Variants in ZNF461 observed in about 807,000 individuals in gnomAD.
ZNF461 encodes the protein gonadotropin-inducible ovarian transcription factor-1.
In ZNF461, 16 loss-of-function variants were observed where a neutral mutation model predicts 18.3. That is an observed-to-expected ratio of 0.88 (90% confidence interval 0.59 to 1.33). The LOEUF (loss-of-function observed/expected upper bound fraction) is 1.33, where lower values mean the gene tolerates loss of function less well. Among genes scored for constraint, ZNF461 ranks in the 40% most tolerant of loss-of-function variants. The pLI, the probability that ZNF461 is intolerant of heterozygous loss-of-function variation, is 0.00. For missense variants in ZNF461, 595 were observed against 669.9 expected, an observed-to-expected ratio of 0.89 and a Z score of 1.23; for synonymous variants, 179 against 216.9, an observed-to-expected ratio of 0.83 and a Z score of 1.54.
At position 36,638,883 on chromosome 19, in the gene ZNF461, G is replaced by C. The variant is rs777603484; in HGVS notation, c.1462C>G (p.Gln488Glu). Reference sequence around the variant, plus strand: ...GGTTTCTCACCAGTATGAATTCTTTGATGTTGAATAAGGTGTGAATGAAGT... The same window carrying C: ...GGTTTCTCACCAGTATGAATTCTTTCATGTTGAATAAGGTGTGAATGAAGT... ...FRLHSHLIQH[Q>E]RIHTGEKPYE... The change falls in exon 6 of 6, where the codon CAA becomes GAA. Residue 488 changes from glutamine to glutamate, a missense_variant. Coordinates refer to ENST00000588268, the MANE Select transcript of ZNF461 (RefSeq NM_153257.5). 25 of 1,605,948 alleles carry C rather than the reference G, an allele frequency of 1.6e-5. No homozygotes were observed. Among genetic ancestry groups the C allele is most frequent in the Non-Finnish European group, 2.0e-5 (24 of 1,174,702 alleles).
chr19:36,639,595 T>C lies in ZNF461; in HGVS notation c.750A>G (p.Glu250=). 6.2e-7 allele frequency: 1 copy of C among 1,613,198 alleles called. No individual in the cohort carries two copies. ...QNGDKCNECK[E]CWKAFVHCSQ... Reference sequence around the variant, plus strand: ...AGCAATGAACAAAGGCCTTCCAACATTCTTTACACTCATTGCATTTGTCAC... The same window carrying C: ...AGCAATGAACAAAGGCCTTCCAACACTCTTTACACTCATTGCATTTGTCAC... Residue 250 remains glutamate (E), a synonymous_variant, in exon 6 of 6, where the codon GAA becomes GAG. Coordinates refer to ENST00000588268, the MANE Select transcript of ZNF461 (RefSeq NM_153257.5).
At position 36,643,783 on chromosome 19, in the gene ZNF461, T is replaced by C. The variant is rs2037471760; in HGVS notation, c.301+11A>G. 2 of 1,519,974 alleles carry C rather than the reference T, an allele frequency of 1.3e-6. No individual in the cohort carries two copies. Among genetic ancestry groups the C allele is most frequent in the African/African-American group, 2.8e-5 (2 of 71,368 alleles). 94.2% of individuals were successfully genotyped at this position (1,519,974 alleles called of 1,614,324 possible). A position where few individuals can be genotyped will look rare whatever the true frequency, so the allele number is the denominator to read the frequency against. The stretch of plus-strand genomic sequence containing the variant: ...TTCTACTGTACTCTTAAAAACTGTA[T>C]TTATTTATACCTGCATTTATGTCTG... On this transcript the variant is annotated intron_variant, in intron 5 of 5. Transcript: ENST00000588268.
At chr19:36,664,082 C>T (rs972186152) in intron 2 of ZNF461, among the ~76,000 whole-genome samples, 2 of 152,120 alleles carry the variant, frequency 1.3e-5, no homozygotes, top group Non-Finnish European at 2.9e-5. Flanking sequence ...AAGAGAAACA[C>T]TAATATTTTC....
chr19:36,638,601 C>A lies in ZNF461; in HGVS notation c.*52G>T. The A allele has an allele frequency of 7.2e-7, 1 of 1,382,628 alleles. No individual in the cohort carries two copies. Among genetic ancestry groups the A allele is most frequent in the Non-Finnish European group, 9.6e-7 (1 of 1,037,364 alleles). 85.6% of individuals were successfully genotyped at this position (1,382,628 alleles called of 1,614,324 possible). Reference sequence around the variant, plus strand: ...AATACTAATGAAACTGGTGGCTTACCAACTTTTTCCTTAAATAAAACAAAG... The same window carrying A: ...AATACTAATGAAACTGGTGGCTTACAAACTTTTTCCTTAAATAAAACAAAG... On this transcript the variant is annotated 3_prime_UTR_variant, in exon 6 of 6. Coordinates refer to ENST00000588268, the MANE Select transcript of ZNF461 (RefSeq NM_153257.5).
chr19:36,664,345 C>G lies in ZNF461; in HGVS notation c.9+353G>C, dbSNP rs533479755. Among the ~76,000 whole-genome samples the G allele has an allele frequency of 3.3e-5, 5 of 152,174 alleles. No individual in the cohort carries two copies. The East Asian group carries it at 9.7e-4, about 29-fold the overall frequency. ...GCTCATGCCTGTAATCCCAGCACTT[C>G]GGGAAGCTCAGATGGGCAGATCACT... On this transcript the variant is annotated intron_variant, in intron 2 of 5. Transcript: ENST00000588268.
rs1204844132 is a variant in ZNF461, at chr19:36,639,249, A to T, written c.1096T>A (p.Phe366Ile). The T allele has an allele frequency of 2.5e-6, 4 of 1,614,092 alleles. No homozygotes were observed. The South Asian group carries it at 4.4e-5, about 18-fold the overall frequency. Reference sequence around the variant, plus strand: ...ATAGTAAGATGTGAGCGATGCCTAAAAGTCTTTCCACATTCTTTACATTCA... The same window carrying T: ...ATAGTAAGATGTGAGCGATGCCTAATAGTCTTTCCACATTCTTTACATTCA... ...PYECKECGKTFRHRSHLTIHQ... is the reference protein window; with the variant it reads ...PYECKECGKTIRHRSHLTIHQ... Residue 366 changes from phenylalanine (F) to isoleucine (I), a missense_variant, in exon 6 of 6, where the codon TTT (phenylalanine) becomes ATT (isoleucine). By Grantham distance (21) the Phe-to-Ile change is conservative. Transcript: ENST00000588268.
chr19:36,656,277 G>A (rs894143367), intron 4 of ZNF461, among the ~76,000 whole-genome samples, 171 bp downstream of exon 4: 5 of 152,140 alleles, frequency 3.3e-5, no homozygotes, highest in African/African-American at 9.7e-5. Context: ...GAGCCACCGC[G>A]CCCGGCCTAG....
intron 2 of ZNF461, 191 bp from the exon 3 acceptor site, chr19:36,658,616 A>T (rs530337446): frequency 8.7e-6 from 4 of 457,774 alleles, no homozygotes; most frequent in African/African-American, 6.1e-5. Context: ...TAAACAATTC[A>T]TTTTCTGCAG....
intron 2 of ZNF461, among the ~76,000 whole-genome samples, chr19:36,662,026 C>G (rs774010454): frequency 6.6e-6 from 1 of 151,942 alleles, no homozygotes; most frequent in African/African-American, 2.4e-5. Flanking sequence ...TGTGCCACCA[C>G]GTCTGGCTAA....
chr19:36,646,373 C>T (rs1426036950), intron 4 of ZNF461, among the ~76,000 whole-genome samples: 1 of 152,148 alleles, frequency 6.6e-6, no homozygotes, highest in Non-Finnish European at 1.5e-5. Flanking sequence ...CTCAGGTGAT[C>T]CACCCTCCTC....
chr19:36,643,954 CAG>C (rs2037475235), intron 4 of ZNF461, 92 bp from the exon 5 acceptor site: 1 of 1,089,840 alleles, frequency 9.2e-7, no homozygotes, highest in Admixed American at 3.5e-5. Flanking sequence ...TCTTTTTAGA[CAG>C]AGTTTCGCTC....
chr19:36,654,652 A>T (rs1031331883), intron 4 of ZNF461, among the ~76,000 whole-genome samples: 1 of 151,940 alleles, frequency 6.6e-6, no homozygotes, highest in Non-Finnish European at 1.5e-5. Flanking sequence ...GATTACAGGC[A>T]TGAGCCACCA....
chr19:36,652,640 AAAG>A lies in ZNF461; in HGVS notation c.232+3805_232+3807del, dbSNP rs2037649482. 2.6e-5 allele frequency among the ~76,000 whole-genome samples: 4 copies of A among 152,272 alleles called. No homozygotes were observed. In the South Asian group the frequency reaches 8.3e-4, roughly 32 times the overall value. Reference sequence around the variant, plus strand: ...CACCAAAAACACAATTCATAAGAGAAAAGAAGATAAACTAGACCTCATCAAAAT... The same window carrying A: ...CACCAAAAACACAATTCATAAGAGAAAAGATAAACTAGACCTCATCAAAAT... On this transcript the variant is annotated intron_variant, in intron 4 of 5. Transcript: ENST00000588268.
chr19:36,649,350 G>T (rs1485746767), intron 4 of ZNF461, among the ~76,000 whole-genome samples: 2 of 151,392 alleles, frequency 1.3e-5, no homozygotes, highest in African/African-American at 4.9e-5. Flanking sequence ...TTTTTTTTGA[G>T]ACAGAGTCTC....
rs751090934 is a variant in ZNF461, at chr19:36,656,502, G to A, written c.178C>T (p.Gln60Ter). Reference protein sequence around the residue: ...SKPAVISSLEQGKEPWMVVRE... With the variant: ...SKPAVISSLE ...ACAACCATCCAGGGCTCCTTCCCTTGCTCCAATGAGGAGATTACGGCTGGC... is the reference window on the plus strand; with the variant it reads ...ACAACCATCCAGGGCTCCTTCCCTTACTCCAATGAGGAGATTACGGCTGGC... Residue 60 changes from glutamine (Q) to a stop codon, truncating the protein, a stop_gained, in exon 4 of 6, where the codon CAA becomes TAA. Transcript: ENST00000588268. LOFTEE classifies it high-confidence loss of function. The A allele has an allele frequency of 6.2e-7, 1 of 1,614,114 alleles. No homozygotes were observed. Among genetic ancestry groups the A allele is most frequent in the African/African-American group, 1.3e-5 (1 of 75,026 alleles).
intron 2 of ZNF461, among the ~76,000 whole-genome samples, chr19:36,659,745 A>G (rs1218327311): frequency 1.3e-5 from 2 of 152,184 alleles, no homozygotes; most frequent in African/African-American, 4.8e-5. Flanking sequence ...CTGTGTTCCC[A>G]AAGAATATTA....
Position 36,639,655 on chromosome 19 carries a change from T to C in ZNF461, c.690A>G (p.Thr230=). 6.2e-7 allele frequency: 1 copy of C among 1,613,924 alleles called. No individual in the cohort carries two copies. Among genetic ancestry groups the C allele is most frequent in the Admixed American group, 1.7e-5 (1 of 60,012 alleles). ...ECKECTEIVN[T]PCLFKQQTIQ... ...TTGTCTGTTGTTTAAAAAGGCATGG[T>C]GTATTAACAATTTCTGTGCATTCTT... The change falls in exon 6 of 6, where the codon ACA becomes ACG. Residue 230 remains threonine, a synonymous_variant. Coordinates refer to ENST00000588268, the MANE Select transcript of ZNF461 (RefSeq NM_153257.5).
chr19:36,638,588 A>T lies in ZNF461; in HGVS notation c.*65T>A. On this transcript the variant is annotated 3_prime_UTR_variant, in exon 6 of 6. Transcript: ENST00000588268. Reference sequence around the variant, plus strand: ...ATTTAAATAAATAAATACTAATGAAACTGGTGGCTTACCAACTTTTTCCTT... The same window carrying T: ...ATTTAAATAAATAAATACTAATGAATCTGGTGGCTTACCAACTTTTTCCTT... 1 of 1,212,898 alleles carries T rather than the reference A, an allele frequency of 8.2e-7. No homozygotes were observed. Among genetic ancestry groups the T allele is most frequent in the Non-Finnish European group, 1.1e-6 (1 of 885,846 alleles). 75.1% of individuals were successfully genotyped at this position (1,212,898 alleles called of 1,614,324 possible).
intron 3 of ZNF461, among the ~76,000 whole-genome samples, chr19:36,657,197 C>T (rs539574090): frequency 4.5e-4 from 68 of 151,768 alleles, no homozygotes; most frequent in African/African-American, 1.6e-3. Flanking sequence ...AAAGAGAGTA[C>T]AGGTCAGGCG....
Sources: gnomAD v4.1 joint callset for allele counts (sites outside exome capture counted in the v4.1 genomes callset) on GRCh38, gnomAD v4.1.1 for gene constraint, MANE v1.5 for transcripts, NCBI Gene and HGNC (gene_info 2026-07-23, HGNC 2026-07-21) for gene names.